MAF: variants seen among roughly 807,000 people sequenced by gnomAD.
MAF encodes MAF bZIP transcription factor, also known as transcription factor Maf.
A neutral mutation model predicts 22.0 loss-of-function variants in MAF; 10 were observed. The ratio of observed to expected loss-of-function variants is 0.45; its 90% CI spans 0.28 to 0.77. MAF has a LOEUF of 0.77. Ranked by LOEUF, MAF falls within the 30% of genes least tolerant of loss-of-function variation. MAF has a pLI of 0.12. For synonymous variants in MAF, 337 were observed against 255.8 expected, an observed-to-expected ratio of 1.32 and a Z score of -3.03; for missense variants, 544 against 548.4, an observed-to-expected ratio of 0.99 and a Z score of 0.08.
the MAF span, among the ~76,000 whole-genome samples, chr16:79,565,585 A>G: frequency 7.2e-5 from 11 of 151,864 alleles, no homozygotes; most frequent in Admixed American, 2.6e-4. Context: ...GTGAGTTCTC[A>G]TGAGATCTGA....
the MAF span, among the ~76,000 whole-genome samples, chr16:79,535,574 G>T: frequency 7.2e-6 from 1 of 138,584 alleles, no homozygotes; most frequent in Non-Finnish European, 1.5e-5. Flanking sequence ...ATAGCATCAA[G>T]CATTGCTTCT....
At chr16:79,538,560 T>A in the MAF span, among the ~76,000 whole-genome samples, 1 of 152,152 alleles carries the variant, frequency 6.6e-6, no homozygotes, top group South Asian at 2.1e-4. Context: ...AAACTAAATA[T>A]TATACATGTA....
At chr16:79,238,281 G>T in the MAF span, among the ~76,000 whole-genome samples, 1 of 152,082 alleles carries the variant, frequency 6.6e-6, no homozygotes, top group African/African-American at 2.4e-5. Context: ...TCCCTGGTTG[G>T]AAAAGAGGCC....
At chr16:79,356,692 C>A in the MAF span, among the ~76,000 whole-genome samples, 3 of 152,140 alleles carry the variant, frequency 2.0e-5, no homozygotes, top group Admixed American at 2.0e-4. Context: ...TCCACTGGCT[C>A]TCAGTTTAGT....
the MAF span, among the ~76,000 whole-genome samples, chr16:79,235,756 G>A: frequency 6.6e-6 from 1 of 152,030 alleles, no homozygotes; most frequent in Non-Finnish European, 1.5e-5. Flanking sequence ...TGACCAGTAA[G>A]TATTAAAAAT....
At chr16:79,544,362 G>A in the MAF span, among the ~76,000 whole-genome samples, 136,695 of 152,214 alleles carry the variant, frequency 0.9, 61,876 homozygotes, top group South Asian at 0.97. Context: ...AGATCTAGAA[G>A]AGTCCATCAG....
chr16:79,538,361 C>T, the MAF span, among the ~76,000 whole-genome samples: 1 of 152,016 alleles, frequency 6.6e-6, no homozygotes, highest in African/African-American at 2.4e-5. Flanking sequence ...GTGATTTATA[C>T]AAAAATAATT....
the MAF span, among the ~76,000 whole-genome samples, chr16:79,561,131 G>A: frequency 1.3e-5 from 2 of 152,036 alleles, no homozygotes; most frequent in Admixed American, 6.5e-5. Context: ...AAATCTTCTG[G>A]GTCACACTGG....
chr16:79,594,845 G>T, intron 1 of MAF: 1 of 1,228,358 alleles, frequency 8.1e-7, no homozygotes, highest in Non-Finnish European at 1.0e-6. Flanking sequence ...ATTTTTGCCA[G>T]CACCTTTGCA....
At chr16:79,596,958 AG>A (rs1913567433) in intron 1 of MAF, 1 of 1,050,406 alleles carries the variant, frequency 9.5e-7, no homozygotes, top group South Asian at 4.6e-5. Context: ...AATTTTGAAA[AG>A]AAAAAAAAAC....
intron 1 of MAF, chr16:79,597,353 G>T: frequency 9.6e-7 from 1 of 1,038,420 alleles, no homozygotes; most frequent in East Asian, 5.8e-5. Flanking sequence ...ATGACCAAAA[G>T]CCAAAAAATA....
At chr16:79,422,767 G>A in the MAF span, among the ~76,000 whole-genome samples, 1 of 152,094 alleles carries the variant, frequency 6.6e-6, no homozygotes, top group Non-Finnish European at 1.5e-5. Flanking sequence ...ATTCTATTAT[G>A]TTGGTGCGAA....
chr16:79,409,245 T>C, the MAF span, among the ~76,000 whole-genome samples: 13,645 of 152,226 alleles, frequency 0.09, 1,598 homozygotes, highest in African/African-American at 0.27. Flanking sequence ...AATCTAGTGA[T>C]CTTGGGGTTC....
At chr16:79,265,855 C>T in the MAF span, among the ~76,000 whole-genome samples, 2 of 152,170 alleles carry the variant, frequency 1.3e-5, no homozygotes, top group African/African-American at 2.4e-5. Flanking sequence ...ATAAGGGTTA[C>T]TTGAACATGA....
chr16:79,251,193 C>G, the MAF span, among the ~76,000 whole-genome samples: 1 of 152,130 alleles, frequency 6.6e-6, no homozygotes, highest in Non-Finnish European at 1.5e-5. Flanking sequence ...TGAACTTAAA[C>G]CCTGTGTCAA....
the MAF span, among the ~76,000 whole-genome samples, chr16:79,518,410 G>C: frequency 2.0e-5 from 3 of 152,286 alleles, no homozygotes; most frequent in Admixed American, 6.5e-5. Context: ...TCTGAATCTA[G>C]ACAGATACAT....
At chr16:79,587,749 G>C (rs1248593576) in intron 1 of MAF, among the ~76,000 whole-genome samples, 4 of 151,802 alleles carry the variant, frequency 2.6e-5, no homozygotes, top group Non-Finnish European at 1.5e-5. Flanking sequence ...TTGGCATCTT[G>C]CCTGAAATCT....
the MAF span, among the ~76,000 whole-genome samples, chr16:79,538,688 T>C: frequency 6.6e-6 from 1 of 152,058 alleles, no homozygotes; most frequent in Non-Finnish European, 1.5e-5. Flanking sequence ...CCTGGGAACA[T>C]GGTGGCACAT....
the MAF span, among the ~76,000 whole-genome samples, chr16:79,393,519 T>G: frequency 6.6e-6 from 1 of 152,224 alleles, no homozygotes; most frequent in East Asian, 1.9e-4. Context: ...TGTCCTTTCA[T>G]TCCATGATAC....
Sources: allele counts gnomAD v4.1 joint callset (sites outside exome capture counted in the v4.1 genomes callset), GRCh38; gene constraint gnomAD v4.1.1; transcripts MANE v1.5; gene names NCBI Gene and HGNC (gene_info 2026-07-23, HGNC 2026-07-21).